Variants in QSER1 observed in about 807,000 individuals in gnomAD.
QSER1 encodes glutamine and serine rich 1, also known as glutamine and serine-rich protein 1.
QSER1 carries 49 observed loss-of-function variants against 158.5 expected under a neutral mutation model. That is an observed-to-expected ratio of 0.31 (90% confidence interval 0.25 to 0.39). The LOEUF is 0.39. Among genes scored for constraint, QSER1 ranks in the 10% least tolerant of loss-of-function variants. QSER1 has a pLI of 1.00. For missense variants in QSER1, 1,754 were observed against 2,010.3 expected (o/e 0.87, Z 2.44); for synonymous variants, 650 against 715.5 (o/e 0.91, Z 1.46).
intron 4 of QSER1, among the ~76,000 whole-genome samples, chr11:32,939,387 G>T (rs932748262): frequency 6.6e-6 from 1 of 152,032 alleles, no homozygotes; most frequent in African/African-American, 2.4e-5. Flanking sequence ...TGGGCTCCTT[G>T]AAGATCTTTT....
At chr11:32,910,199 T>TG (rs1851749079) in intron 1 of QSER1, among the ~76,000 whole-genome samples, 1 of 152,198 alleles carries the variant, frequency 6.6e-6, no homozygotes, top group African/African-American at 2.4e-5. Flanking sequence ...AGGGCTTGCT[T>TG]AAGATCCCTT....
chr11:32,897,360 T>C (rs1851568518), intron 1 of QSER1, among the ~76,000 whole-genome samples: 1 of 152,220 alleles, frequency 6.6e-6, no homozygotes, highest in Non-Finnish European at 1.5e-5. Flanking sequence ...AGTGGAATGC[T>C]GTAATCCACC....
At chr11:32,924,319 T>C (rs1851938421) in intron 1 of QSER1, among the ~76,000 whole-genome samples, 2 of 152,058 alleles carry the variant, frequency 1.3e-5, no homozygotes, top group Admixed American at 6.6e-5. Context: ...ATCCTAGCAC[T>C]TTGGGAGTCC....
chr11:32,957,710 A>G, intron 7 of QSER1, 159 bp from the exon 8 acceptor site: 1 of 605,400 alleles, frequency 1.7e-6, no homozygotes, highest in South Asian at 2.6e-5. Flanking sequence ...TTTTATGGGA[A>G]TCACCATTGA....
At chr11:32,901,324 CAATG>C (rs1406588157) in intron 1 of QSER1, among the ~76,000 whole-genome samples, 3 of 152,136 alleles carry the variant, frequency 2.0e-5, no homozygotes, top group Non-Finnish European at 2.9e-5. Flanking sequence ...ATTAAACATT[CAATG>C]AATGAATGAA....
At position 32,932,963 on chromosome 11, in the gene QSER1, A is replaced by C; in HGVS notation, c.1705A>C (p.Thr569Pro). The change falls in exon 4 of 13, where the codon ACA becomes CCA. Residue 569 changes from threonine (T) to proline (P), a missense_variant. By Grantham distance (38) the Thr-to-Pro change is conservative. Around this residue, in one of 2 missense-constraint regions of QSER1, gnomAD observed 1,707 missense variants for 1,919.6 expected, o/e 0.89. Coordinates refer to ENST00000650167, the MANE Select transcript of QSER1 (RefSeq NM_001076786.3). ...HSQGLSPVSQTQVSYSSQSQV... is the reference protein window; with the variant it reads ...HSQGLSPVSQPQVSYSSQSQV... ...TCAGGGTTTATCACCAGTTAGCCAG[A>C]CACAGGTTAGCTATTCATCTCAATC... 1 of 1,613,202 alleles carries C rather than the reference A, an allele frequency of 6.2e-7. No individual in the cohort carries two copies. The highest frequency in any genetic ancestry group is 8.5e-7 in the Non-Finnish European group (1 of 1,179,976).
At chr11:32,952,595 G>A (rs1051753263) in intron 4 of QSER1, among the ~76,000 whole-genome samples, 1 of 152,026 alleles carries the variant, frequency 6.6e-6, no homozygotes, top group Non-Finnish European at 1.5e-5. Flanking sequence ...TTTTGGTATT[G>A]GAATAATACT....
At chr11:32,912,785 C>A (rs1851784208) in intron 1 of QSER1, among the ~76,000 whole-genome samples, 1 of 151,984 alleles carries the variant, frequency 6.6e-6, no homozygotes, top group South Asian at 2.1e-4. Flanking sequence ...TGGTGTCGCA[C>A]GTCTTTGGTC....
chr11:32,969,797 G>A (rs1852819000), intron 10 of QSER1, among the ~76,000 whole-genome samples: 1 of 150,132 alleles, frequency 6.7e-6, no homozygotes, highest in Admixed American at 6.7e-5. Context: ...CAGTTCTTGT[G>A]CCTCAGCCTC....
At chr11:32,974,799 G>A (rs1057469773) in intron 11 of QSER1, among the ~76,000 whole-genome samples, 1 of 152,136 alleles carries the variant, frequency 6.6e-6, no homozygotes. Flanking sequence ...CAAAAAACAC[G>A]TTGGAAGAAA....
At chr11:32,918,988 T>A (rs1156957447) in intron 1 of QSER1, among the ~76,000 whole-genome samples, 2 of 152,190 alleles carry the variant, frequency 1.3e-5, no homozygotes, top group African/African-American at 4.8e-5. Context: ...ATTATTACCA[T>A]CTTGCATTGG....
At chr11:32,917,023 G>A (rs1316701144) in intron 1 of QSER1, among the ~76,000 whole-genome samples, 1 of 152,252 alleles carries the variant, frequency 6.6e-6, no homozygotes, top group Non-Finnish European at 1.5e-5. Context: ...CTGACCTCAG[G>A]TGATCCACCC....
Position 32,977,432 on chromosome 11 carries a change from C to T in QSER1, c.*958C>T, listed in dbSNP as rs1852996767. 1 of 152,610 alleles carries T rather than the reference C, an allele frequency of 6.6e-6. No homozygotes were observed. 9.5% of individuals were successfully genotyped at this position (152,610 alleles called of 1,614,324 possible). A position where few individuals can be genotyped will look rare whatever the true frequency, so the allele number is the denominator to read the frequency against. On this transcript the variant is annotated 3_prime_UTR_variant, in exon 13 of 13. Transcript: ENST00000650167. ...GCTTTATAAATAGGGCTGTGTTAGA[C>T]ACTGCAGTAATTTTCTAATTCATAA... is the stretch of plus-strand genomic sequence containing the variant.
intron 4 of QSER1, among the ~76,000 whole-genome samples, chr11:32,946,751 G>C (rs914490807): frequency 6.6e-6 from 1 of 151,950 alleles, no homozygotes; most frequent in African/African-American, 2.4e-5. Flanking sequence ...GCTGTGGTGG[G>C]CTCCACCCAG....
At chr11:32,905,281 T>C (rs1851678431) in intron 1 of QSER1, among the ~76,000 whole-genome samples, 1 of 152,230 alleles carries the variant, frequency 6.6e-6, no homozygotes, top group African/African-American at 2.4e-5. Context: ...AACACAAATA[T>C]GTGGATAAGC....
chr11:32,919,239 C>T (rs1171752444), intron 1 of QSER1, among the ~76,000 whole-genome samples: 2 of 152,040 alleles, frequency 1.3e-5, no homozygotes, highest in Non-Finnish European at 2.9e-5. Flanking sequence ...ACTCCTGGGC[C>T]GAAATGTGTA....
intron 1 of QSER1, among the ~76,000 whole-genome samples, chr11:32,917,477 A>G (rs1181791581): frequency 6.6e-6 from 1 of 152,134 alleles, no homozygotes; most frequent in African/African-American, 2.4e-5. Context: ...CTTTATTCAC[A>G]GCTAACTTAA....
intron 1 of QSER1, among the ~76,000 whole-genome samples, chr11:32,908,721 A>G (rs1851724585): frequency 6.6e-6 from 1 of 152,240 alleles, no homozygotes; most frequent in African/African-American, 2.4e-5. Flanking sequence ...TAATGCTGCT[A>G]TGGACATTTG....
Position 32,976,975 on chromosome 11 carries a change from T to C in QSER1, c.*501T>C, listed in dbSNP as rs1852988853. The C allele has an allele frequency of 6.5e-6, 1 of 152,894 alleles. No individual in the cohort carries two copies. Among genetic ancestry groups the C allele is most frequent in the Non-Finnish European group, 1.5e-5 (1 of 68,256 alleles). The allele number at this position is 152,894 out of a possible 1,614,324, so 9.5% of individuals were successfully genotyped here. A position where few individuals can be genotyped will look rare whatever the true frequency, so the allele number is the denominator to read the frequency against. ...TGTGACATCCTGTATAAGAATATCA[T>C]CAATTTAAAATATAAAATTTGGAAA... is the stretch of plus-strand genomic sequence containing the variant. On this transcript the variant is annotated 3_prime_UTR_variant, in exon 13 of 13. Coordinates refer to ENST00000650167, the MANE Select transcript of QSER1 (RefSeq NM_001076786.3).
Sources: gnomAD v4.1 joint callset for allele counts (sites outside exome capture counted in the v4.1 genomes callset) on GRCh38, gnomAD v4.1.1 for gene constraint, gnomAD v4.1.1 regional missense constraint, MANE v1.5 for transcripts, NCBI Gene and HGNC (gene_info 2026-07-23, HGNC 2026-07-21) for gene names.